Variants in TOM1L2 observed in about 807,000 individuals in gnomAD.
TOM1L2 encodes the protein target of myb1 like 2 membrane trafficking protein, also known as TOM1-like protein 2.
Under a neutral mutation model 67.9 loss-of-function variants are expected in TOM1L2, and 31 were observed. The observed-to-expected ratio is 0.46, with a 90% CI of 0.34 to 0.62. The LOEUF (loss-of-function observed/expected upper bound fraction) is 0.62, where lower values mean the gene tolerates loss of function less well. TOM1L2 is among the 20% of genes least tolerant of loss of function. TOM1L2 has a pLI of 0.01. For missense variants in TOM1L2, 606 were observed against 663.5 expected (o/e 0.91, Z 0.95); for synonymous variants, 256 against 254.0 (o/e 1.01, Z -0.07).
At chr17:17,889,951 C>G (rs903118045) in intron 4 of TOM1L2, among the ~76,000 whole-genome samples, 8 of 152,246 alleles carry the variant, frequency 5.3e-5, no homozygotes, top group African/African-American at 1.9e-4. Flanking sequence ...TGAACCTCCT[C>G]TCAGCCTAGC....
At position 17,972,393 on chromosome 17, in the gene TOM1L2, T is replaced by G; in HGVS notation, c.-80A>C. 6.5e-7 allele frequency: 1 copy of G among 1,529,494 alleles called. No homozygotes were observed. Among genetic ancestry groups the G allele is most frequent in the Non-Finnish European group, 8.8e-7 (1 of 1,130,462 alleles). The allele number at this position is 1,529,494 out of a possible 1,614,324, so 94.7% of individuals were successfully genotyped here. On this transcript the variant is annotated 5_prime_UTR_variant, in exon 1 of 15. Transcript: ENST00000379504. ...GCTGTAACCCGCCGGACTCCCGTCCTGACTGACACTTGCCCCCTCCCCACT... is the reference window on the plus strand; with the variant it reads ...GCTGTAACCCGCCGGACTCCCGTCCGGACTGACACTTGCCCCCTCCCCACT...
At chr17:17,880,773 C>A (rs1428070821) in intron 6 of TOM1L2, among the ~76,000 whole-genome samples, 2 of 152,174 alleles carry the variant, frequency 1.3e-5, no homozygotes, top group East Asian at 1.9e-4. Flanking sequence ...GTTTCCCATG[C>A]GGCGCCTGGC....
intron 1 of TOM1L2, among the ~76,000 whole-genome samples, chr17:17,935,285 T>C (rs2040475265): frequency 6.6e-6 from 1 of 152,222 alleles, no homozygotes; most frequent in African/African-American, 2.4e-5. Context: ...GAAGGCTCTA[T>C]TCTCTATACA....
intron 1 of TOM1L2, among the ~76,000 whole-genome samples, chr17:17,960,691 G>A (rs528936565): frequency 2.0e-5 from 3 of 152,068 alleles, no homozygotes; most frequent in South Asian, 4.1e-4. Flanking sequence ...ATGACTGACA[G>A]GCCTGGGTGA....
intron 2 of TOM1L2, among the ~76,000 whole-genome samples, chr17:17,905,489 C>T (rs1489043371): frequency 2.0e-5 from 3 of 152,236 alleles, no homozygotes; most frequent in East Asian, 1.9e-4. Flanking sequence ...CACTTCTAAT[C>T]ATCATCTCAC....
chr17:17,957,465 G>C (rs2041506144), intron 1 of TOM1L2, among the ~76,000 whole-genome samples: 1 of 152,152 alleles, frequency 6.6e-6, no homozygotes, highest in African/African-American at 2.4e-5. Flanking sequence ...AGGGACCTGA[G>C]GGAGCTTTCT....
At position 17,959,423 on chromosome 17, in the gene TOM1L2, C is replaced by T. The variant is rs183966880; in HGVS notation, c.52+12839G>A. On this transcript the variant is annotated intron_variant, in intron 1 of 14. Transcript: ENST00000379504. Reference sequence around the variant, plus strand: ...CATACATCACAGACACCCTCTCTGGCCTTGTTTCCACAACCTGCAAAAATT... The same window carrying T: ...CATACATCACAGACACCCTCTCTGGTCTTGTTTCCACAACCTGCAAAAATT... Among the ~76,000 whole-genome samples the T allele has an allele frequency of 5.7e-4, 87 of 152,344 alleles. 1 individual carries two copies. The highest frequency in any genetic ancestry group is 4.7e-3 in the Admixed American group (72 of 15,304).
intron 1 of TOM1L2, among the ~76,000 whole-genome samples, chr17:17,968,686 G>A (rs2041955965): frequency 6.7e-6 from 1 of 148,216 alleles, no homozygotes; most frequent in African/African-American, 2.5e-5. Context: ...AAAAAAGAAT[G>A]TAGTCTTTGA....
Position 17,879,702 on chromosome 17 carries a change from G to A in TOM1L2, c.702C>T (p.Asn234=), listed in dbSNP as rs984195576. Residue 234 remains asparagine, a synonymous_variant, in exon 7 of 15, where the codon AAC becomes AAT. Coordinates refer to ENST00000379504, the MANE Select transcript of TOM1L2 (RefSeq NM_001082968.2). ...LRSELDVVRG[N]TKVMSEMLTE... is the part of the protein sequence containing the mutation. ...TTAACATCTCAGACATGACTTTTGT[G>A]TTTCCTCGAACGACGTCCAGTTCAC... The A allele has an allele frequency of 1.2e-6, 2 of 1,614,206 alleles. No individual in the cohort carries two copies. Among genetic ancestry groups the A allele is most frequent in the South Asian group, 1.1e-5 (1 of 91,088 alleles).
chr17:17,928,281 AAC>A (rs1404037834), intron 1 of TOM1L2, among the ~76,000 whole-genome samples: 2 of 152,230 alleles, frequency 1.3e-5, no homozygotes, highest in Non-Finnish European at 2.9e-5. Context: ...AATTGAGAAA[AAC>A]ACTGCTGCTC....
rs981385208 is a variant in TOM1L2 at position 17,880,769 on chromosome 17, C to T, written c.661-1026G>A. Among the ~76,000 whole-genome samples the T allele has an allele frequency of 3.9e-5, 6 of 152,330 alleles. No individual in the cohort carries two copies. The South Asian group carries it at 1.2e-3, about 32-fold the overall frequency. On this transcript the variant is annotated intron_variant, in intron 6 of 14. Transcript: ENST00000379504. ...CCTCACCAGGCTGCTGTGAGTTTCC[C>T]ATGCGGCGCCTGGCATGCAGGTATG...
At chr17:17,886,460 C>T (rs1400832275) in intron 4 of TOM1L2, among the ~76,000 whole-genome samples, 1 of 152,244 alleles carries the variant, frequency 6.6e-6, no homozygotes, top group East Asian at 1.9e-4. Context: ...GTGCCTCTGG[C>T]CCCGCCCCCA....
intron 12 of TOM1L2, among the ~76,000 whole-genome samples, chr17:17,853,817 G>A (rs1316368170): frequency 1.3e-5 from 2 of 152,232 alleles, no homozygotes; most frequent in Admixed American, 1.3e-4. Context: ...AGATTTGGGT[G>A]GAGAGGCAGG....
intron 9 of TOM1L2, 118 bp downstream of exon 9, chr17:17,866,758 C>T (rs2036868976): frequency 4.6e-6 from 5 of 1,091,836 alleles, no homozygotes; most frequent in Non-Finnish European, 7.0e-6. Context: ...GAGCTTGCCT[C>T]TTCAATTTCC....
intron 7 of TOM1L2, 171 bp from the exon 8 acceptor site, chr17:17,869,644 C>T: frequency 7.2e-7 from 1 of 1,391,902 alleles, no homozygotes; most frequent in South Asian, 1.8e-5. Context: ...TCACTGCCTG[C>T]CCCTCCTTCC....
At chr17:17,871,986 C>G in intron 7 of TOM1L2, 1 of 985,504 alleles carries the variant, frequency 1.0e-6, no homozygotes, top group Non-Finnish European at 1.2e-6. Flanking sequence ...GTGAATGGCT[C>G]ATGTCCCCAG....
At chr17:17,864,051 T>G (rs2036707556) in intron 10 of TOM1L2, among the ~76,000 whole-genome samples, 1 of 151,946 alleles carries the variant, frequency 6.6e-6, no homozygotes, top group Non-Finnish European at 1.5e-5. Flanking sequence ...GTATTTTTAG[T>G]AGAGATGAGG....
chr17:17,862,835 C>G lies in TOM1L2; in HGVS notation c.1098G>C (p.Glu366Asp), dbSNP rs752635967. The G allele has an allele frequency of 1.9e-6, 3 of 1,614,082 alleles. No homozygotes were observed. Among genetic ancestry groups the G allele is most frequent in the Non-Finnish European group, 2.5e-6 (3 of 1,179,942 alleles). ...GTGAACTGAGGGTGCCACTGACGCTCTCTGTCCCCAAGTCTGTGGCAACAA... is the reference window on the plus strand; with the variant it reads ...GTGAACTGAGGGTGCCACTGACGCTGTCTGTCCCCAAGTCTGTGGCAACAA... Reference protein sequence around the residue: ...SQLAGLDLGTESVSGTLSSLQ... With the variant: ...SQLAGLDLGTDSVSGTLSSLQ... Residue 366 changes from glutamate (E) to aspartate (D), a missense_variant, in exon 11 of 15, where the codon GAG (glutamate) becomes GAC (aspartate). Glu to Asp is a conservative substitution (Grantham distance 45). This residue lies in a region of TOM1L2 where 543 missense variants were observed against 554.0 expected (regional missense o/e 0.98). Transcript: ENST00000379504.
intron 1 of TOM1L2, among the ~76,000 whole-genome samples, chr17:17,912,266 G>A (rs1488271180): frequency 2.8e-4 from 42 of 151,544 alleles, no homozygotes; most frequent in Admixed American, 1.6e-3. Context: ...CGGACGGGGC[G>A]GCTGGCCGGG....
Sources: allele counts gnomAD v4.1 joint callset (sites outside exome capture counted in the v4.1 genomes callset), GRCh38; gene constraint gnomAD v4.1.1; regional missense constraint gnomAD v4.1.1; transcripts MANE v1.5; gene names NCBI Gene and HGNC (gene_info 2026-07-23, HGNC 2026-07-21).